The following FAM120A variants were observed in gnomAD, a reference collection of about 807,000 sequenced individuals.
FAM120A encodes constitutive coactivator of PPAR-gamma-like protein 1.
FAM120A carries 15 observed loss-of-function variants against 109.7 expected under a neutral mutation model. That is an observed-to-expected ratio of 0.14 (90% CI 0.09 to 0.21). The LOEUF (loss-of-function observed/expected upper bound fraction) is 0.21. Among genes scored for constraint, FAM120A ranks in the 10% least tolerant of loss-of-function variants. The pLI is 1.00. For synonymous variants in FAM120A, 493 were observed against 572.8 expected, an observed-to-expected ratio of 0.86 and a Z score of 1.99; for missense variants, 899 against 1,439.3, an observed-to-expected ratio of 0.62 and a Z score of 6.07.
chr9:93,507,898 CA>C (rs1344233025), intron 5 of FAM120A, among the ~76,000 whole-genome samples: 2 of 152,126 alleles, frequency 1.3e-5, no homozygotes, highest in Admixed American at 6.5e-5. Context: ...GGATGGGTGG[CA>C]AGTACCACGC....
intron 1 of FAM120A, among the ~76,000 whole-genome samples, chr9:93,466,955 T>C (rs1036281957): frequency 6.6e-6 from 1 of 152,158 alleles, no homozygotes; most frequent in African/African-American, 2.4e-5. Context: ...AGTGCACTGT[T>C]TCCCAGGTAC....
chr9:93,540,735 T>C (rs959515190), intron 10 of FAM120A, among the ~76,000 whole-genome samples: 3 of 152,134 alleles, frequency 2.0e-5, no homozygotes, highest in Non-Finnish European at 2.9e-5. Context: ...GAGGATACCA[T>C]GCATTAGGAC....
chr9:93,542,283 T>C (rs1319383871), intron 10 of FAM120A, among the ~76,000 whole-genome samples: 1 of 152,222 alleles, frequency 6.6e-6, no homozygotes, highest in African/African-American at 2.4e-5. Context: ...TTTATTCAAC[T>C]AAAGTGAACC....
chr9:93,463,304 C>T (rs1244040668), intron 1 of FAM120A, among the ~76,000 whole-genome samples: 1 of 152,108 alleles, frequency 6.6e-6, no homozygotes, highest in Non-Finnish European at 1.5e-5. Context: ...TCATGTCCCA[C>T]TCCCTTATTT....
At chr9:93,523,106 T>G (rs1471472976) in intron 7 of FAM120A, among the ~76,000 whole-genome samples, 2 of 152,226 alleles carry the variant, frequency 1.3e-5, no homozygotes, top group Non-Finnish European at 2.9e-5. Flanking sequence ...TATCACTACT[T>G]TTTAAAAATT....
intron 12 of FAM120A, among the ~76,000 whole-genome samples, chr9:93,552,212 A>G (rs151277497): frequency 1.1e-3 from 162 of 152,366 alleles, no homozygotes; most frequent in African/African-American, 3.6e-3. Context: ...CTCAAAGTTC[A>G]TCTTATATCC....
At chr9:93,518,360 G>A (rs905017994) in intron 7 of FAM120A, among the ~76,000 whole-genome samples, 6 of 152,240 alleles carry the variant, frequency 3.9e-5, no homozygotes, top group Admixed American at 3.3e-4. Flanking sequence ...TATCTGCAGT[G>A]TATAATGTGC....
chr9:93,539,021 G>A (rs1357402451), intron 10 of FAM120A, among the ~76,000 whole-genome samples: 4 of 141,028 alleles, frequency 2.8e-5, no homozygotes, highest in Non-Finnish European at 4.6e-5. Context: ...TTTTTGAGAC[G>A]GAGTCTCACT....
chr9:93,454,002 T>G (rs915920433), intron 1 of FAM120A, among the ~76,000 whole-genome samples: 1 of 152,220 alleles, frequency 6.6e-6, no homozygotes, highest in African/African-American at 2.4e-5. Flanking sequence ...TGTATGCATA[T>G]GGTCACTGTA....
intron 11 of FAM120A, among the ~76,000 whole-genome samples, chr9:93,547,270 G>C (rs546347728): frequency 5.9e-5 from 9 of 152,318 alleles, no homozygotes; most frequent in Admixed American, 5.9e-4. Context: ...ACTGGGTTAG[G>C]TTTTAGAAAA....
intron 3 of FAM120A, among the ~76,000 whole-genome samples, chr9:93,481,941 CCT>C (rs1451246299): frequency 6.6e-6 from 1 of 152,122 alleles, no homozygotes; most frequent in African/African-American, 2.4e-5. Context: ...TCTGTATGAT[CCT>C]CTCTTGGAGC....
chr9:93,459,775 T>C lies in FAM120A; in HGVS notation c.474+7386T>C, dbSNP rs191278709. The stretch of plus-strand genomic sequence containing the variant: ...TGGGGGAGGATGTTAACTGAAGGCA[T>C]CTATTGGGTGGAGGCCAAGGATGCT... On this transcript the variant is annotated intron_variant, in intron 1 of 17. Coordinates refer to ENST00000277165, the MANE Select transcript of FAM120A (RefSeq NM_014612.5). Among the ~76,000 whole-genome samples, 22 of 152,290 alleles carry C rather than the reference T, an allele frequency of 1.4e-4. No homozygotes were observed. The East Asian group carries it at 4.1e-3, about 28-fold the overall frequency.
chr9:93,544,109 A>G lies in FAM120A; in HGVS notation c.2159+638A>G, dbSNP rs147380125. 2.7e-3 allele frequency among the ~76,000 whole-genome samples: 417 copies of G among 152,280 alleles called. 1 individual carries two copies. Among genetic ancestry groups the G allele is most frequent in the African/African-American group, 9.5e-3 (394 of 41,542 alleles). ...CAGTATGGGCTCCTGTCCTCTTTTTATAGGGTCATAATCAATTCACTTGAG... is the reference window on the plus strand; with the variant it reads ...CAGTATGGGCTCCTGTCCTCTTTTTGTAGGGTCATAATCAATTCACTTGAG... On this transcript the variant is annotated intron_variant, in intron 11 of 17. Transcript: ENST00000277165.
At chr9:93,455,365 A>G (rs115048017) in intron 1 of FAM120A, among the ~76,000 whole-genome samples, 2,333 of 152,296 alleles carry the variant, frequency 0.015, 68 homozygotes, top group African/African-American at 0.054. Flanking sequence ...GTACACATAA[A>G]GGGGACAGCA....
intron 3 of FAM120A, among the ~76,000 whole-genome samples, chr9:93,486,824 G>A (rs537803561): frequency 2.0e-5 from 3 of 152,164 alleles, no homozygotes; most frequent in Non-Finnish European, 4.4e-5. Flanking sequence ...ATGAGCCACT[G>A]TAATTGACCT....
At chr9:93,518,886 C>T (rs1860724091) in intron 7 of FAM120A, among the ~76,000 whole-genome samples, 1 of 152,238 alleles carries the variant, frequency 6.6e-6, no homozygotes, top group South Asian at 2.1e-4. Context: ...GGAGGCCCAA[C>T]ACAAATTCAT....
At chr9:93,455,161 C>T (rs1313655784) in intron 1 of FAM120A, among the ~76,000 whole-genome samples, 1 of 152,140 alleles carries the variant, frequency 6.6e-6, no homozygotes, top group Non-Finnish European at 1.5e-5. Flanking sequence ...AATGGTTAAA[C>T]TACAGTATAG....
intron 5 of FAM120A, among the ~76,000 whole-genome samples, chr9:93,511,481 C>G (rs1860320003): frequency 6.6e-6 from 1 of 152,214 alleles, no homozygotes; most frequent in African/African-American, 2.4e-5. Flanking sequence ...ATAGGATGGC[C>G]AGACGCCGCG....
At chr9:93,524,121 G>A (rs1860966580) in intron 7 of FAM120A, among the ~76,000 whole-genome samples, 1 of 152,232 alleles carries the variant, frequency 6.6e-6, no homozygotes, top group Admixed American at 6.5e-5. Context: ...GGAGCAGATA[G>A]AAATGAAAAA....
Sources: allele counts gnomAD v4.1 joint callset (sites outside exome capture counted in the v4.1 genomes callset), GRCh38; gene constraint gnomAD v4.1.1; transcripts MANE v1.5; gene names NCBI Gene and HGNC (gene_info 2026-07-23, HGNC 2026-07-21).